Variants in DMBT1 observed in about 807,000 individuals in gnomAD.
DMBT1 encodes the protein scavenger receptor cysteine-rich domain-containing protein DMBT1.
DMBT1 carries 198 observed loss-of-function variants against 252.9 expected under a neutral mutation model. The ratio of observed to expected loss-of-function variants is 0.78; its 90% CI spans 0.70 to 0.88. DMBT1 has a LOEUF of 0.88. DMBT1 is among the 40% of genes least tolerant of loss of function. DMBT1 has a pLI of 0.00. For synonymous variants in DMBT1, 990 were observed against 942.7 expected (o/e 1.05, Z -0.92); for missense variants, 2,432 against 2,404.7 (o/e 1.01, Z -0.24).
Position 122,592,126 on chromosome 10 carries a change from A to G in DMBT1, c.2177-146A>G, listed in dbSNP as rs574056902. 744 of 1,362,976 alleles carry G rather than the reference A, an allele frequency of 5.5e-4. 2 individuals are homozygous for G. The African/African-American group carries it at 9.6e-3, about 18-fold the overall frequency. 84.4% of individuals were successfully genotyped at this position (1,362,976 alleles called of 1,614,324 possible). A position where few individuals can be genotyped will look rare whatever the true frequency, so the allele number is the denominator to read the frequency against. On this transcript the variant is annotated intron_variant, in intron 19 of 55. Transcript: ENST00000338354. ...ATCACCTCTCCTTCCAGTATGATGA[A>G]GCTGAACCTCTGGTTGCAGTCGTAT...
chr10:122,642,730 A>G (rs1282542847), intron 55 of DMBT1, among the ~76,000 whole-genome samples: 2 of 152,050 alleles, frequency 1.3e-5, no homozygotes, highest in Non-Finnish European at 2.9e-5. Flanking sequence ...AGGGAAGGTC[A>G]TTTACTTTTC....
rs200414440 is a variant in DMBT1 at position 122,592,454 on chromosome 10, C to T, written c.2359C>T (p.Arg787Trp). The T allele has an allele frequency of 2.5e-4, 394 of 1,588,090 alleles. 37 individuals carry two copies. Among genetic ancestry groups the T allele is most frequent in the Non-Finnish European group, 3.2e-4 (371 of 1,165,702 alleles). The stretch of plus-strand genomic sequence containing the variant: ...GGCCACGTCGGCCCCAGGAAATGCC[C>T]GGTTTGGCCAGGGCTCAGGACCCAT... ...GWATSAPGNA[R>W]FGQGSGPIVL... The change falls in exon 20 of 56, where the codon CGG becomes TGG. Residue 787 changes from arginine (R) to tryptophan (W), a missense_variant. Physicochemically the swap from Arg to Trp is moderately radical, Grantham distance 101. Around this residue, in one of 3 missense-constraint regions of DMBT1, gnomAD observed 1,264 missense variants for 1,082.2 expected, o/e 1.17. Coordinates refer to ENST00000338354, the MANE Select transcript of DMBT1 (RefSeq NM_001377530.1).
rs750357485 is a variant in DMBT1 at position 122,570,979 on chromosome 10, A to G, written c.187+42A>G. On this transcript the variant is annotated intron_variant, in intron 4 of 55. Transcript: ENST00000338354. The stretch of plus-strand genomic sequence containing the variant: ...GGGATCCCTGTGGGCTCATTACCCC[A>G]CTGCACCCCTAGGTTCATCTCTGAT... 6 of 1,595,312 alleles carry G rather than the reference A, an allele frequency of 3.8e-6. No individual in the cohort carries two copies. The South Asian group carries it at 5.5e-5, about 15-fold the overall frequency.
At chr10:122,585,095 T>G (rs528076886) in intron 14 of DMBT1, among the ~76,000 whole-genome samples, 176 bp from the exon 15 acceptor site, 7 of 148,526 alleles carry the variant, frequency 4.7e-5, no homozygotes, top group African/African-American at 1.7e-4. Flanking sequence ...CCAGCAAGGC[T>G]TATGTCCCTT....
At chr10:122,592,753 C>T (rs748037934) in intron 20 of DMBT1, among the ~76,000 whole-genome samples, 158 bp downstream of exon 20, 1 of 148,846 alleles carries the variant, frequency 6.7e-6, no homozygotes. Context: ...ATGAATTTTA[C>T]TACAGGGCTT....
At position 122,576,575 on chromosome 10, in the gene DMBT1, A is replaced by G. The variant is rs748122459; in HGVS notation, c.460A>G (p.Asn154Asp). The G allele has an allele frequency of 8.7e-6, 14 of 1,613,818 alleles. No individual in the cohort carries two copies. The highest frequency in any genetic ancestry group is 1.2e-5 in the Non-Finnish European group (14 of 1,179,854). ...GCGWAMSAPG[N>D]AWFGQGSGPI... ...TGGCTGGGCCATGTCAGCTCCAGGA[A>G]ATGCCTGGTTTGGCCAGGGCTCAGG... The change falls in exon 7 of 56, where the codon AAT becomes GAT. Residue 154 changes from asparagine to aspartate, a missense_variant. Physicochemically the swap from Asn to Asp is conservative, Grantham distance 23. Transcript: ENST00000338354.
rs2097787835 is a variant in DMBT1, at chr10:122,586,196, C to T, written c.1596C>T (p.Cys532=). 1.3e-6 allele frequency: 2 copies of T among 1,589,246 alleles called. No homozygotes were observed. Among genetic ancestry groups the T allele is most frequent in the African/African-American group, 1.3e-5 (1 of 74,644 alleles). The change falls in exon 16 of 56, where the codon TGC becomes TGT. Residue 532 remains cysteine, a synonymous_variant. Transcript: ENST00000338354. ...ACACCAATGATGCCAATGTGGTCTG[C>T]AGGCAGCTGGGCTGTGGCTGGGCCA... ...SWDTNDANVV[C]RQLGCGWAML...
intron 44 of DMBT1, among the ~76,000 whole-genome samples, chr10:122,624,815 C>T (rs571553437): frequency 1.4e-4 from 21 of 152,344 alleles, no homozygotes; most frequent in Admixed American, 7.8e-4. Context: ...CCACAGCTGT[C>T]AGCACAGTGA....
At chr10:122,632,780 C>A in intron 50 of DMBT1, 81 bp from the exon 51 acceptor site, 2 of 1,564,598 alleles carry the variant, frequency 1.3e-6, no homozygotes, top group African/African-American at 2.7e-5. Context: ...CTTGGCACAG[C>A]ATCTGCACAG....
At chr10:122,621,532 A>T (rs1454895095) in intron 44 of DMBT1, among the ~76,000 whole-genome samples, 152 bp downstream of exon 44, 2 of 152,220 alleles carry the variant, frequency 1.3e-5, no homozygotes, top group Non-Finnish European at 2.9e-5. Flanking sequence ...ATCCATATGA[A>T]TTCACTGCCT....
At position 122,597,023 on chromosome 10, in the gene DMBT1, A is replaced by G; in HGVS notation, c.2888-2A>G. 1 of 572,654 alleles carries G rather than the reference A, an allele frequency of 1.7e-6. No individual in the cohort carries two copies. 35.5% of individuals were successfully genotyped at this position (572,654 alleles called of 1,614,324 possible). On this transcript the variant is annotated splice_acceptor_variant, in intron 23 of 55. Transcript: ENST00000338354. LOFTEE classifies it high-confidence loss of function. ...TCTGATCTGACCTCCTCTTTCTCAC[A>G]GCTGCCCACTCCTGGTCGACGCCCA...
chr10:122,561,967 A>G (rs575978300), intron 1 of DMBT1, among the ~76,000 whole-genome samples: 202 of 145,824 alleles, frequency 1.4e-3, no homozygotes, highest in Admixed American at 3.6e-3. Context: ...CTCTCTCTCT[A>G]TCTGTTTCTC....
At chr10:122,563,944 CA>C (rs2097569292) in intron 1 of DMBT1, among the ~76,000 whole-genome samples, 2 of 152,148 alleles carry the variant, frequency 1.3e-5, no homozygotes. Context: ...CTCTCTTAGG[CA>C]CATCTATCAG....
intron 16 of DMBT1, 149 bp from the exon 17 acceptor site, chr10:122,588,795 G>A: frequency 1.4e-6 from 2 of 1,407,338 alleles, no homozygotes; most frequent in Non-Finnish European, 9.7e-7. Flanking sequence ...CTACTGTGAT[G>A]AAGCTGAACC....
At chr10:122,564,826 G>A (rs886437070) in intron 1 of DMBT1, among the ~76,000 whole-genome samples, 4 of 152,128 alleles carry the variant, frequency 2.6e-5, no homozygotes, top group African/African-American at 9.7e-5. Context: ...TGAGATTTCT[G>A]TTGTACAATC....
intron 8 of DMBT1, among the ~76,000 whole-genome samples, chr10:122,578,145 C>G (rs571700126): frequency 6.6e-6 from 1 of 152,304 alleles, no homozygotes; most frequent in East Asian, 1.9e-4. Flanking sequence ...TCAGGGCTGA[C>G]ACAACCTTTC....
At chr10:122,577,671 G>C in intron 7 of DMBT1, 140 bp from the exon 8 acceptor site, 1 of 869,546 alleles carries the variant, frequency 1.2e-6, no homozygotes, top group Non-Finnish European at 1.8e-6. Context: ...AGGGCTTCAC[G>C]GTGGGCACTG....
intron 2 of DMBT1, among the ~76,000 whole-genome samples, chr10:122,566,312 C>CT (rs1565533493): frequency 3.8e-5 from 3 of 79,086 alleles, no homozygotes; most frequent in Non-Finnish European, 8.4e-5. Flanking sequence ...CTTTTTTTTT[C>CT]TTTTTCTTTT....
chr10:122,619,213 A>T, intron 41 of DMBT1, 95 bp from the exon 42 acceptor site: 1 of 1,486,138 alleles, frequency 6.7e-7, no homozygotes, highest in Non-Finnish European at 9.4e-7. Flanking sequence ...GGATGGACTG[A>T]GTGTCAGGCT....
Sources: allele counts gnomAD v4.1 joint callset (sites outside exome capture counted in the v4.1 genomes callset), GRCh38; gene constraint gnomAD v4.1.1; regional missense constraint gnomAD v4.1.1; transcripts MANE v1.5; gene names NCBI Gene and HGNC (gene_info 2026-07-23, HGNC 2026-07-21).